Variants in ZDHHC11B observed in about 807,000 individuals in gnomAD.
ZDHHC11B encodes zDHHC palmitoyltransferase 11B (putative).
ZDHHC11B carries 17 observed loss-of-function variants against 42.3 expected under a neutral mutation model. The ratio of observed to expected loss-of-function variants is 0.40; its 90% confidence interval spans 0.27 to 0.60. ZDHHC11B has a LOEUF of 0.60. ZDHHC11B is among the 20% of genes least tolerant of loss of function. The pLI, the probability that ZDHHC11B is intolerant of heterozygous loss-of-function variation, is 0.41. For missense variants in ZDHHC11B, 262 were observed against 463.2 expected, an observed-to-expected ratio of 0.57 and a Z score of 3.99; for synonymous variants, 123 against 193.5, an observed-to-expected ratio of 0.64 and a Z score of 3.02.
At chr5:732,553 G>A in intron 11 of ZDHHC11B, 1 of 410,478 alleles carries the variant, frequency 2.4e-6, no homozygotes, top group South Asian at 1.8e-5. Context: ...GCAGGCAAGG[G>A]GCAAGTCTTG....
intron 4 of ZDHHC11B, among the ~76,000 whole-genome samples, chr5:756,552 C>CCGCA (rs1733878896): frequency 1.3e-5 from 2 of 151,708 alleles, no homozygotes; most frequent in African/African-American, 4.8e-5. Flanking sequence ...ACAGAATGTA[C>CCGCA]CGCACCCCCA....
chr5:748,795 G>T (rs1287238546), intron 7 of ZDHHC11B, among the ~76,000 whole-genome samples: 1 of 127,730 alleles, frequency 7.8e-6, no homozygotes, highest in African/African-American at 2.5e-5. Context: ...CTCCAACAGG[G>T]TCACTAAGTG....
At chr5:780,756 A>C (rs1736899007) in intron 1 of ZDHHC11B, among the ~76,000 whole-genome samples, 1 of 151,582 alleles carries the variant, frequency 6.6e-6, no homozygotes, top group Admixed American at 6.6e-5. Context: ...GGTGAGGCTG[A>C]GATGAGCTTC....
chr5:773,799 T>C (rs1736246934), intron 1 of ZDHHC11B, among the ~76,000 whole-genome samples: 1 of 151,542 alleles, frequency 6.6e-6, no homozygotes, highest in South Asian at 2.1e-4. Context: ...GGCCAGGACC[T>C]GCTTGGAGAC....
chr5:742,865 A>G (rs1349252237), intron 9 of ZDHHC11B, among the ~76,000 whole-genome samples: 28 of 148,966 alleles, frequency 1.9e-4, no homozygotes, highest in African/African-American at 6.9e-4. Flanking sequence ...TTTTTCTTTA[A>G]TAGGCAGTGA....
chr5:764,845 C>T (rs1262790606), intron 4 of ZDHHC11B, among the ~76,000 whole-genome samples: 1 of 151,722 alleles, frequency 6.6e-6, no homozygotes, highest in African/African-American at 2.4e-5. Flanking sequence ...ACTTGGAGAA[C>T]CTTTATGTCT....
rs561509639 is a variant in ZDHHC11B at position 712,445 on chromosome 5, C to T, written c.*8-163G>A. On this transcript the variant is annotated intron_variant, in intron 13 of 13. Transcript: ENST00000508859. ...ACCTTGGCTTAGACACAGAGCCCCA[C>T]TCCCAGCTGGGTCTAGTGAGAGTCC... Among the ~76,000 whole-genome samples the T allele has an allele frequency of 2.6e-4, 38 of 146,022 alleles. 1 individual carries two copies. The highest frequency in any genetic ancestry group is 8.9e-4 in the African/African-American group (35 of 39,378).
In ZDHHC11B at chr5:767,015, C is replaced by A. The variant is rs1388302237; in HGVS notation, c.1-96G>T. 6.5e-5 allele frequency: 92 copies of A among 1,413,408 alleles called. 8 individuals carry two copies. In the African/African-American group the frequency reaches 1.0e-3, roughly 16 times the overall value. 87.6% of individuals were successfully genotyped at this position (1,413,408 alleles called of 1,614,324 possible). A position where few individuals can be genotyped will look rare whatever the true frequency, so the allele number is the denominator to read the frequency against. On this transcript the variant is annotated intron_variant, in intron 3 of 13. Coordinates refer to ENST00000508859, the MANE Select transcript of ZDHHC11B (RefSeq NM_001351303.2). ...AGACCACGGGGACTGGGAACATGGC[C>A]CCCAGGACCAGCACTGACAGCCAAT...
chr5:714,310 A>T (rs1741587007), intron 13 of ZDHHC11B, among the ~76,000 whole-genome samples: 1 of 141,988 alleles, frequency 7.0e-6, no homozygotes, highest in Non-Finnish European at 1.5e-5. Context: ...ATTATGTAAA[A>T]ATCAGACAAC....
rs1321921279 is a variant in ZDHHC11B at position 711,627 on chromosome 5, G to C, written c.*663C>G. On this transcript the variant is annotated 3_prime_UTR_variant, in exon 14 of 14. Coordinates refer to ENST00000508859, the MANE Select transcript of ZDHHC11B (RefSeq NM_001351303.2). ...CCCAGTGCCGTGCTCCCATTTCCCA[G>C]TGCTGTATACTCCTATCTCCCAGTG... 1.3e-5 allele frequency: 2 copies of C among 148,740 alleles called. No individual in the cohort carries two copies. The highest frequency in any genetic ancestry group is 5.3e-5 in the African/African-American group (2 of 37,888). 9.2% of individuals were successfully genotyped at this position (148,740 alleles called of 1,614,324 possible).
chr5:780,928 C>A (rs1736912998), intron 1 of ZDHHC11B, among the ~76,000 whole-genome samples: 1 of 150,250 alleles, frequency 6.7e-6, no homozygotes, highest in Non-Finnish European at 1.5e-5. Flanking sequence ...GCCACGGTGG[C>A]CAGGTTACCT....
At chr5:741,304 G>A (rs571876302) in intron 10 of ZDHHC11B, among the ~76,000 whole-genome samples, 3 of 148,966 alleles carry the variant, frequency 2.0e-5, no homozygotes, top group Admixed American at 1.4e-4. Flanking sequence ...TGTTCATGGA[G>A]AGATGTAGAA....
chr5:739,681 T>C (rs1378862131), intron 10 of ZDHHC11B, among the ~76,000 whole-genome samples: 2 of 146,174 alleles, frequency 1.4e-5, no homozygotes, highest in East Asian at 2.0e-4. Flanking sequence ...TGTAAACTAG[T>C]ACAACTACTA....
rs1262335443 is a variant in ZDHHC11B, at chr5:745,713, T to C, written c.785-415A>G. Among the ~76,000 whole-genome samples the C allele has an allele frequency of 1.3e-5, 2 of 149,996 alleles. 1 individual carries two copies. Among genetic ancestry groups the C allele is most frequent in the Admixed American group, 1.3e-4 (2 of 14,894 alleles). ...GGCCAGCTCAGGAGGGGCCGCTCTG[T>C]CTGAGGGTCCAGGTGGCCTGTGGGG... On this transcript the variant is annotated intron_variant, in intron 8 of 13. Transcript: ENST00000508859.
chr5:737,900 G>T (rs1395147962), intron 10 of ZDHHC11B, among the ~76,000 whole-genome samples: 7 of 135,526 alleles, frequency 5.2e-5, no homozygotes, highest in Non-Finnish European at 1.6e-5. Flanking sequence ...ATAAGACAAG[G>T]ATGCCCACTT....
chr5:725,344 AGTGCCT>A (rs1742515538), intron 12 of ZDHHC11B, among the ~76,000 whole-genome samples: 21 of 88,422 alleles, frequency 2.4e-4, no homozygotes, highest in South Asian at 3.3e-4. Flanking sequence ...CGGATCTGCC[AGTGCCT>A]TGAGCTGGGA....
chr5:776,511 C>T (rs1418019364), intron 1 of ZDHHC11B, among the ~76,000 whole-genome samples: 3 of 151,950 alleles, frequency 2.0e-5, no homozygotes, highest in Non-Finnish European at 2.9e-5. Flanking sequence ...TGCAAGGCGC[C>T]TGCTGGGCCC....
chr5:754,964 G>A, intron 6 of ZDHHC11B, 34 bp downstream of exon 6: 3 of 773,720 alleles, frequency 3.9e-6, no homozygotes, highest in Non-Finnish European at 5.9e-6. Flanking sequence ...CCCCAAGCCT[G>A]GCCCGTGCCG....
chr5:776,717 C>CA (rs2150243500), intron 1 of ZDHHC11B, among the ~76,000 whole-genome samples: 1 of 152,116 alleles, frequency 6.6e-6, no homozygotes, highest in South Asian at 2.1e-4. Context: ...CCTGTCCCAC[C>CA]AAGGGGCCTT....
Sources: gnomAD v4.1 joint callset for allele counts (sites outside exome capture counted in the v4.1 genomes callset) on GRCh38, gnomAD v4.1.1 for gene constraint, MANE v1.5 for transcripts, NCBI Gene and HGNC (gene_info 2026-07-23, HGNC 2026-07-21) for gene names.